The following BCLAF1 variants were observed in gnomAD, a reference collection of about 807,000 sequenced individuals.
The protein encoded by BCLAF1 is BCL2 associated transcription factor 1, also known as bcl-2-associated transcription factor 1.
Under a neutral mutation model 99.5 loss-of-function variants are expected in BCLAF1, and 10 were observed. The ratio of observed to expected loss-of-function variants is 0.10; its 90% CI spans 0.06 to 0.17. The LOEUF (loss-of-function observed/expected upper bound fraction) is 0.17. Ranked by LOEUF, BCLAF1 falls within the 10% of genes least tolerant of loss-of-function variation. BCLAF1 has a pLI of 1.00. For synonymous variants in BCLAF1, 255 were observed against 370.9 expected (o/e 0.69, Z 3.59); for missense variants, 636 against 1,105.8 (o/e 0.58, Z 6.02).
At chr6:136,274,530 C>A (rs1782985091) in intron 6 of BCLAF1, among the ~76,000 whole-genome samples, 1 of 151,918 alleles carries the variant, frequency 6.6e-6, no homozygotes, top group Admixed American at 6.6e-5. Flanking sequence ...ATAATTACAG[C>A]CCAAAAGAAA....
At chr6:136,288,810 C>A (rs1160478932) in intron 1 of BCLAF1, among the ~76,000 whole-genome samples, 2 of 152,246 alleles carry the variant, frequency 1.3e-5, no homozygotes, top group East Asian at 3.8e-4. Flanking sequence ...CCATTTCTCA[C>A]ACCAGCTGTC....
At chr6:136,262,458 T>C (rs2128465810) in intron 11 of BCLAF1, among the ~76,000 whole-genome samples, 1 of 152,082 alleles carries the variant, frequency 6.6e-6, no homozygotes. Flanking sequence ...GGCATATGAG[T>C]ATTTTTTTTC....
Position 136,261,018 on chromosome 6 carries a change from T to G in BCLAF1, c.*92A>C. 7.3e-7 allele frequency: 1 copy of G among 1,369,270 alleles called. No individual in the cohort carries two copies. Among genetic ancestry groups the G allele is most frequent in the Non-Finnish European group, 9.9e-7 (1 of 1,011,890 alleles). The allele number at this position is 1,369,270 out of a possible 1,614,324, so 84.8% of individuals were successfully genotyped here. ...CTACTTGCAAACAGTAAAATTTAAG[T>G]AAAATGCTTACATTCTTATTTGAAA... On this transcript the variant is annotated 3_prime_UTR_variant, in exon 13 of 13. Coordinates refer to ENST00000531224, the MANE Select transcript of BCLAF1 (RefSeq NM_014739.3).
At chr6:136,279,725 A>C (rs776996295) in intron 3 of BCLAF1, 38 bp downstream of exon 3, 1 of 1,491,294 alleles carries the variant, frequency 6.7e-7, no homozygotes, top group Non-Finnish European at 8.9e-7. Flanking sequence ...GTATTAACTG[A>C]TATAATTATT....
Position 136,259,106 on chromosome 6 carries a change from A to AC in BCLAF1, c.*2003dup, listed in dbSNP as rs1363231479. On this transcript the variant is annotated 3_prime_UTR_variant, in exon 13 of 13. Coordinates refer to ENST00000531224, the MANE Select transcript of BCLAF1 (RefSeq NM_014739.3). The stretch of plus-strand genomic sequence containing the variant: ...CTTGGATCTGAAAAAGGTAACATCC[A>AC]CAATGACATTCTATTACAGAGTTCT... 1 of 152,086 alleles carries AC rather than the reference A, an allele frequency of 6.6e-6. No homozygotes were observed. Among genetic ancestry groups the AC allele is most frequent in the Non-Finnish European group, 1.5e-5 (1 of 67,874 alleles). 9.4% of individuals were successfully genotyped at this position (152,086 alleles called of 1,614,324 possible). A position where few individuals can be genotyped will look rare whatever the true frequency, so the allele number is the denominator to read the frequency against.
At position 136,260,263 on chromosome 6, in the gene BCLAF1, C is replaced by T. The variant is rs1224281575; in HGVS notation, c.*847G>A. The T allele has an allele frequency of 2.0e-5, 3 of 151,980 alleles. No homozygotes were observed. The highest frequency in any genetic ancestry group is 2.9e-5 in the Non-Finnish European group (2 of 67,880). The allele number at this position is 151,980 out of a possible 1,614,324, so 9.4% of individuals were successfully genotyped here. ...TACCAACCCCAGGATTACAGTTTTT[C>T]TTCTGTTTAAAACTAGGATGTTCAG... On this transcript the variant is annotated 3_prime_UTR_variant, in exon 13 of 13. Coordinates refer to ENST00000531224, the MANE Select transcript of BCLAF1 (RefSeq NM_014739.3).
intron 8 of BCLAF1, 93 bp downstream of exon 8, chr6:136,271,902 C>G (rs565802590): frequency 2.4e-6 from 2 of 838,704 alleles, no homozygotes; most frequent in East Asian, 2.7e-5. Context: ...TAGAAGATAT[C>G]TATAGACATT....
rs77555917 is a variant in BCLAF1 at position 136,262,441 on chromosome 6, G to A, written c.2545-964C>T. ...AAAAGCCACTAAAACTTTTTTTTAC[G>A]TAATATGGCATATGAGTATTTTTTT... On this transcript the variant is annotated intron_variant, in intron 11 of 12. Coordinates refer to ENST00000531224, the MANE Select transcript of BCLAF1 (RefSeq NM_014739.3). Among the ~76,000 whole-genome samples the A allele has an allele frequency of 5.4e-3, 825 of 152,124 alleles. 3 individuals carry two copies. Among genetic ancestry groups the A allele is most frequent in the African/African-American group, 0.019 (796 of 41,506 alleles).
intron 11 of BCLAF1, among the ~76,000 whole-genome samples, chr6:136,262,387 T>C (rs1210214454): frequency 1.3e-5 from 2 of 152,210 alleles, no homozygotes; most frequent in Non-Finnish European, 2.9e-5. Flanking sequence ...TTGTGTAATC[T>C]ATAGAGTACC....
rs181324920 is a variant in BCLAF1, at chr6:136,275,389, A to G, written c.1852+143T>C. 6.6e-5 allele frequency: 51 copies of G among 767,276 alleles called. No homozygotes were observed. In the Middle Eastern group the frequency reaches 2.0e-3, roughly 30 times the overall value. The allele number at this position is 767,276 out of a possible 1,614,324, so 47.5% of individuals were successfully genotyped here. A position where few individuals can be genotyped will look rare whatever the true frequency, so the allele number is the denominator to read the frequency against. On this transcript the variant is annotated intron_variant, in intron 6 of 12. Transcript: ENST00000531224. ...CTAGCAAGACTAGGGACTCTCTTCT[A>G]TGAAACTACTTTTCCAAGTTTTAAT...
At position 136,275,828 on chromosome 6, in the gene BCLAF1, T is replaced by C. The variant is rs761546808; in HGVS notation, c.1682+15A>G. On this transcript the variant is annotated intron_variant, in intron 5 of 12. Transcript: ENST00000531224. ...CTGCCCACAGATTATTTACTGGGCA[T>C]CAATATGGAATTACCTGTTAGAATC... The C allele has an allele frequency of 1.3e-5, 21 of 1,603,318 alleles. No homozygotes were observed. Among genetic ancestry groups the C allele is most frequent in the Non-Finnish European group, 1.7e-5 (20 of 1,174,602 alleles).
intron 1 of BCLAF1, among the ~76,000 whole-genome samples, chr6:136,285,752 T>C (rs564738082): frequency 5.9e-5 from 9 of 152,294 alleles, no homozygotes; most frequent in South Asian, 4.1e-4. Flanking sequence ...CTATCTTTCA[T>C]GAAATAATAC....
At chr6:136,272,586 G>C (rs183001125) in intron 7 of BCLAF1, among the ~76,000 whole-genome samples, 316 of 152,006 alleles carry the variant, frequency 2.1e-3, no homozygotes, top group African/African-American at 7.3e-3. Flanking sequence ...CAATATCACT[G>C]TCACTGCCAC....
chr6:136,289,306 G>A (rs1426996985), intron 1 of BCLAF1, among the ~76,000 whole-genome samples: 9 of 152,258 alleles, frequency 5.9e-5, no homozygotes, highest in African/African-American at 1.4e-4. Flanking sequence ...CACCTCCAGC[G>A]GCCGTCGGCG....
chr6:136,260,207 T>C lies in BCLAF1; in HGVS notation c.*903A>G, dbSNP rs1200592689. On this transcript the variant is annotated 3_prime_UTR_variant, in exon 13 of 13. Coordinates refer to ENST00000531224, the MANE Select transcript of BCLAF1 (RefSeq NM_014739.3). The stretch of plus-strand genomic sequence containing the variant: ...AGATATGAAATCAGGTACTAATGTA[T>C]CAACTTATTCTGCAGGATAGACCTC... The C allele has an allele frequency of 6.6e-6, 1 of 152,028 alleles. No individual in the cohort carries two copies. Among genetic ancestry groups the C allele is most frequent in the Non-Finnish European group, 1.5e-5 (1 of 67,920 alleles). The allele number at this position is 152,028 out of a possible 1,614,324, so 9.4% of individuals were successfully genotyped here.
intron 9 of BCLAF1, chr6:136,269,230 TCAG>T (rs1366300010): frequency 6.8e-7 from 1 of 1,472,752 alleles, no homozygotes; most frequent in South Asian, 1.3e-5. Flanking sequence ...ATTTTTTTTT[TCAG>T]TGTTAGCTTG....
rs947292431 is a variant in BCLAF1 at position 136,260,012 on chromosome 6, G to C, written c.*1098C>G. ...TTCTACAAAAACTGCAACTGAAATG[G>C]GGGGGAAAAAGGTTAGATCAATGCC... On this transcript the variant is annotated 3_prime_UTR_variant, in exon 13 of 13. Transcript: ENST00000531224. 4 of 151,928 alleles carry C rather than the reference G, an allele frequency of 2.6e-5. No individual in the cohort carries two copies. Among genetic ancestry groups the C allele is most frequent in the African/African-American group, 9.7e-5 (4 of 41,426 alleles). The allele number at this position is 151,928 out of a possible 1,614,324, so 9.4% of individuals were successfully genotyped here.
intron 8 of BCLAF1, among the ~76,000 whole-genome samples, chr6:136,270,985 T>A (rs773281183): frequency 1.3e-5 from 2 of 151,408 alleles, no homozygotes; most frequent in Non-Finnish European, 3.0e-5. Context: ...ACAAAAAAAA[T>A]AACAGAACAA....
rs1780525790 is a variant in BCLAF1, at chr6:136,257,303, G to A, written c.*3807C>T. 6.6e-6 allele frequency: 1 copy of A among 152,116 alleles called. No individual in the cohort carries two copies. The highest frequency in any genetic ancestry group is 2.4e-5 in the African/African-American group (1 of 41,430). 9.4% of individuals were successfully genotyped at this position (152,116 alleles called of 1,614,324 possible). A position where few individuals can be genotyped will look rare whatever the true frequency, so the allele number is the denominator to read the frequency against. Reference sequence around the variant, plus strand: ...GTGGAATGCTATCCTAATAATGCCTGTTCTCTTTAATCAGTGAGATTCATT... The same window carrying A: ...GTGGAATGCTATCCTAATAATGCCTATTCTCTTTAATCAGTGAGATTCATT... On this transcript the variant is annotated 3_prime_UTR_variant, in exon 13 of 13. Transcript: ENST00000531224.
Sources: allele counts gnomAD v4.1 joint callset (sites outside exome capture counted in the v4.1 genomes callset), GRCh38; gene constraint gnomAD v4.1.1; transcripts MANE v1.5; gene names NCBI Gene and HGNC (gene_info 2026-07-23, HGNC 2026-07-21).